The following ENOX1 variants were observed in gnomAD, a reference collection of about 807,000 sequenced individuals.
ENOX1 encodes the protein ecto-NOX disulfide-thiol exchanger 1.
Under a neutral mutation model 82.5 loss-of-function variants are expected in ENOX1, and 42 were observed. That is an observed-to-expected ratio of 0.51 (90% CI 0.40 to 0.66). The LOEUF (loss-of-function observed/expected upper bound fraction) is 0.66. Ranked by LOEUF, ENOX1 falls within the 30% of genes least tolerant of loss-of-function variation. The pLI is 0.00. For synonymous variants in ENOX1, 271 were observed against 282.2 expected (o/e 0.96, Z 0.40); for missense variants, 608 against 811.6 (o/e 0.75, Z 3.05).
At chr13:43,586,972 G>T (rs1249626005) in intron 2 of ENOX1, among the ~76,000 whole-genome samples, 1 of 152,114 alleles carries the variant, frequency 6.6e-6, no homozygotes, top group African/African-American at 2.4e-5. Flanking sequence ...TACTCAGGAG[G>T]CTGAGGCAGG....
rs143493734 is a variant in ENOX1 at position 43,765,953 on chromosome 13, A to C, written c.-285+20699T>G. On this transcript the variant is annotated intron_variant, in intron 1 of 16. Transcript: ENST00000690772. ...TTTCTTCTCATAAAAAGAAATTTAA[A>C]TTTTAGCAAAAGGAGAGACTTCATT... Among the ~76,000 whole-genome samples the C allele has an allele frequency of 1.1e-4, 16 of 152,318 alleles. No homozygotes were observed. The East Asian group carries it at 2.9e-3, about 28-fold the overall frequency.
chr13:43,770,205 T>C (rs560635990), intron 1 of ENOX1, among the ~76,000 whole-genome samples: 3 of 152,312 alleles, frequency 2.0e-5, no homozygotes, highest in Admixed American at 2.0e-4. Context: ...ATTCATGAAG[T>C]TTGGACGAAG....
chr13:43,390,453 G>C lies in ENOX1; in HGVS notation c.208+21463C>G, dbSNP rs142260138. ...TTTTGGCAAGTACAAGACTGTGTCA[G>C]CCAATAATGCATTTTGAGTTTAAAA... On this transcript the variant is annotated intron_variant, in intron 5 of 16. Coordinates refer to ENST00000690772, the MANE Select transcript of ENOX1 (RefSeq NM_001347969.2). Among the ~76,000 whole-genome samples the C allele has an allele frequency of 1.6e-3, 250 of 152,194 alleles. 1 individual carries two copies. Among genetic ancestry groups the C allele is most frequent in the African/African-American group, 5.9e-3 (244 of 41,534 alleles).
chr13:43,299,069 T>C (rs1435472329), intron 11 of ENOX1, among the ~76,000 whole-genome samples: 1 of 152,152 alleles, frequency 6.6e-6, no homozygotes, highest in African/African-American at 2.4e-5. Flanking sequence ...ATTGTTTTCC[T>C]CCAACTCCTA....
At chr13:43,437,224 T>C (rs2056084335) in intron 3 of ENOX1, among the ~76,000 whole-genome samples, 1 of 152,152 alleles carries the variant, frequency 6.6e-6, no homozygotes, top group South Asian at 2.1e-4. Flanking sequence ...AATCCACCCC[T>C]GCAAGCAAAA....
intron 3 of ENOX1, among the ~76,000 whole-genome samples, chr13:43,451,819 G>C (rs549784671): frequency 3.8e-4 from 58 of 152,180 alleles, no homozygotes; most frequent in African/African-American, 1.3e-3. Context: ...TAGGTACTTG[G>C]GGAAAAGCAG....
At chr13:43,489,596 T>G (rs1172905724) in intron 2 of ENOX1, among the ~76,000 whole-genome samples, 1 of 152,124 alleles carries the variant, frequency 6.6e-6, no homozygotes, top group Non-Finnish European at 1.5e-5. Context: ...CAATCCTTAG[T>G]GCAGCCATGG....
At chr13:43,784,560 CAA>C (rs1185042296) in intron 1 of ENOX1, among the ~76,000 whole-genome samples, 1 of 152,154 alleles carries the variant, frequency 6.6e-6, no homozygotes, top group Admixed American at 6.5e-5. Flanking sequence ...AAAGATAATT[CAA>C]AGAGTGTTGC....
chr13:43,495,818 C>T (rs893312298), intron 2 of ENOX1, among the ~76,000 whole-genome samples: 5 of 151,810 alleles, frequency 3.3e-5, no homozygotes, highest in African/African-American at 1.2e-4. Flanking sequence ...TTCAGTATTA[C>T]CACATCCTCA....
intron 9 of ENOX1, among the ~76,000 whole-genome samples, chr13:43,337,641 A>T (rs1303078003): frequency 6.6e-6 from 1 of 152,206 alleles, no homozygotes; most frequent in African/African-American, 2.4e-5. Flanking sequence ...TTTTTTAGCC[A>T]GATAGCAGCA....
At chr13:43,402,664 G>A (rs1594360062) in intron 5 of ENOX1, among the ~76,000 whole-genome samples, 1 of 152,280 alleles carries the variant, frequency 6.6e-6, no homozygotes, top group Middle Eastern at 3.4e-3. Flanking sequence ...AGCAAACAGT[G>A]GATCTGGAGC....
chr13:43,295,731 G>A (rs962760755), intron 12 of ENOX1, among the ~76,000 whole-genome samples: 4 of 152,134 alleles, frequency 2.6e-5, no homozygotes, highest in Admixed American at 6.5e-5. Flanking sequence ...GGAGATTGAA[G>A]GCAGGTTTTA....
intron 3 of ENOX1, among the ~76,000 whole-genome samples, chr13:43,435,505 G>A (rs1436816854): frequency 1.3e-5 from 2 of 152,170 alleles, no homozygotes; most frequent in African/African-American, 4.8e-5. Context: ...TTCAGATTCT[G>A]TTTAATACTG....
chr13:43,222,225 C>G (rs1375165794), intron 16 of ENOX1, among the ~76,000 whole-genome samples: 2 of 152,134 alleles, frequency 1.3e-5, no homozygotes, highest in African/African-American at 4.8e-5. Flanking sequence ...TGTGAATTCT[C>G]TCTCCTCAGA....
At chr13:43,611,874 T>C (rs2082215302) in intron 2 of ENOX1, among the ~76,000 whole-genome samples, 1 of 152,210 alleles carries the variant, frequency 6.6e-6, no homozygotes, top group Non-Finnish European at 1.5e-5. Context: ...GAGTTCACAT[T>C]GCTTTCTAGC....
At chr13:43,225,309 G>A (rs936069985) in intron 15 of ENOX1, among the ~76,000 whole-genome samples, 8 of 152,234 alleles carry the variant, frequency 5.3e-5, no homozygotes, top group East Asian at 3.9e-4. Flanking sequence ...TCCCTATTAG[G>A]GATTATGCCC....
Position 43,298,548 on chromosome 13 carries a change from C to A in ENOX1, c.1262-18G>T. The A allele has an allele frequency of 1.3e-6, 2 of 1,596,838 alleles. No individual in the cohort carries two copies. Among genetic ancestry groups the A allele is most frequent in the African/African-American group, 1.3e-5 (1 of 74,368 alleles). On this transcript the variant is annotated intron_variant, in intron 11 of 16. Coordinates refer to ENST00000690772, the MANE Select transcript of ENOX1 (RefSeq NM_001347969.2). ...AGCCAGGGCTGAGGGACAAACAGAA[C>A]GAGTTCAGGTGAGCTACCTTCTTGC...
intron 2 of ENOX1, among the ~76,000 whole-genome samples, chr13:43,580,028 T>C (rs374833985): frequency 6.6e-6 from 1 of 152,034 alleles, no homozygotes. Flanking sequence ...TGCAAGCAGA[T>C]AGTAATCATG....
chr13:43,724,825 A>T (rs771448946), intron 1 of ENOX1, among the ~76,000 whole-genome samples: 1 of 152,068 alleles, frequency 6.6e-6, no homozygotes, highest in Admixed American at 6.6e-5. Context: ...GTTCTCTCTC[A>T]CACACAGCTT....
Sources: gnomAD v4.1 joint callset for allele counts (sites outside exome capture counted in the v4.1 genomes callset) on GRCh38, gnomAD v4.1.1 for gene constraint, MANE v1.5 for transcripts, NCBI Gene and HGNC (gene_info 2026-07-23, HGNC 2026-07-21) for gene names.